Variants in ANK3 observed in about 807,000 individuals in gnomAD.
ANK3 encodes ankyrin 3, also known as ankyrin-3.
Under a neutral mutation model 370.9 loss-of-function variants are expected in ANK3, and 57 were observed. The observed-to-expected ratio is 0.15, with a 90% CI of 0.12 to 0.19. The LOEUF is 0.19. Among genes scored for constraint, ANK3 ranks in the 10% least tolerant of loss-of-function variants. The pLI is 1.00. For synonymous variants in ANK3, 1,929 were observed against 1,946.3 expected (o/e 0.99, Z 0.23); for missense variants, 4,439 against 5,302.1 (o/e 0.84, Z 5.06).
rs78234715 is a variant in ANK3 at position 60,627,859 on chromosome 10, T to C, written c.58-12635A>G. ...AATAACGCCATAACATCACTAGTGT[T>C]GTTATCTTCATTATACGAATAAGGA... On this transcript the variant is annotated intron_variant, in intron 1 of 43. Coordinates refer to the ANK3 transcript ENST00000373827. Among the ~76,000 whole-genome samples, 14 of 152,270 alleles carry C rather than the reference T, an allele frequency of 9.2e-5. No homozygotes were observed. The East Asian group carries it at 2.7e-3, about 29-fold the overall frequency.
chr10:60,159,844 G>T (rs952243394), intron 23 of ANK3, among the ~76,000 whole-genome samples: 12 of 152,012 alleles, frequency 7.9e-5, no homozygotes, highest in African/African-American at 2.9e-4. Flanking sequence ...AAATTAAAAA[G>T]AAAATTTTTA....
At chr10:60,336,575 C>T (rs1321275551) in intron 1 of ANK3, among the ~76,000 whole-genome samples, 1 of 130,070 alleles carries the variant, frequency 7.7e-6, no homozygotes, top group Admixed American at 1.0e-4. Context: ...ATCTATCTAT[C>T]TATCTATCTA....
chr10:60,107,579 C>T (rs1050479286), intron 27 of ANK3, among the ~76,000 whole-genome samples: 10 of 152,274 alleles, frequency 6.6e-5, no homozygotes, highest in African/African-American at 1.4e-4. Context: ...CAAAACCAAA[C>T]GAAACAATTT....
chr10:60,679,220 T>C (rs1450752485), intron 1 of ANK3, among the ~76,000 whole-genome samples: 2 of 152,156 alleles, frequency 1.3e-5, no homozygotes, highest in Non-Finnish European at 2.9e-5. Flanking sequence ...TAATGTATAA[T>C]TGGGGCCTGA....
At chr10:60,281,979 G>A (rs2098169823) in intron 1 of ANK3, among the ~76,000 whole-genome samples, 1 of 152,188 alleles carries the variant, frequency 6.6e-6, no homozygotes, top group Non-Finnish European at 1.5e-5. Context: ...ACAGAATGCA[G>A]TTTTTAAAGA....
rs375867763 is a variant in ANK3 at position 60,337,025 on chromosome 10, T to TAA, written c.114+52399_114+52400insTT. ...GTGGCTTGTCATCAAGAAAAAGGCT[T>TAA]TAAAAAAAAAAACAAACAGTGGAAG... On this transcript the variant is annotated intron_variant, in intron 1 of 43. Coordinates refer to ENST00000280772, the MANE Select transcript of ANK3 (RefSeq NM_020987.5). Among the ~76,000 whole-genome samples, 613 of 113,614 alleles carry TAA rather than the reference T, an allele frequency of 5.4e-3. 1 individual carries two copies. Among genetic ancestry groups the TAA allele is most frequent in the African/African-American group, 0.015 (565 of 37,390 alleles). 74.5% of individuals were successfully genotyped at this position (113,614 alleles called of 152,430 possible).
At chr10:60,471,589 T>G (rs2065220532) in intron 2 of ANK3, among the ~76,000 whole-genome samples, 1 of 152,148 alleles carries the variant, frequency 6.6e-6, no homozygotes, top group African/African-American at 2.4e-5. Context: ...TATGAGGATA[T>G]CTACTGGATA....
In ANK3 at chr10:60,072,921, G is replaced by A. The variant is rs2083027078; in HGVS notation, c.7960C>T (p.Pro2654Ser). The change falls in exon 37 of 44, where the codon CCT becomes TCT. Residue 2654 changes from proline (P) to serine (S), a missense_variant. Coordinates refer to ENST00000280772, the MANE Select transcript of ANK3 (RefSeq NM_020987.5). Reference sequence around the variant, plus strand: ...GCCTTGGGGAAGCCTTGTCCATCAGGGCCATGCTGTCTTGCCTTAACCCAC... The same window carrying A: ...GCCTTGGGGAAGCCTTGTCCATCAGAGCCATGCTGTCTTGCCTTAACCCAC... Reference protein sequence around the residue: ...DEWVKARQHGPDGQGFPKAEE... With the variant: ...DEWVKARQHGSDGQGFPKAEE... 1.9e-6 allele frequency: 3 copies of A among 1,613,878 alleles called. No individual in the cohort carries two copies. Among genetic ancestry groups the A allele is most frequent in the African/African-American group, 1.3e-5 (1 of 74,878 alleles).
At chr10:60,703,673 A>G (rs1222104155) in intron 1 of ANK3, among the ~76,000 whole-genome samples, 2 of 152,224 alleles carry the variant, frequency 1.3e-5, no homozygotes, top group Non-Finnish European at 2.9e-5. Context: ...AATACCGAAA[A>G]GCATAATAGA....
At chr10:60,642,286 A>G (rs2078644847) in intron 1 of ANK3, among the ~76,000 whole-genome samples, 1 of 151,436 alleles carries the variant, frequency 6.6e-6, no homozygotes, top group Non-Finnish European at 1.5e-5. Context: ...TACTGGGTAT[A>G]TACCCAAAGG....
chr10:60,638,331 A>G (rs1403852910), intron 1 of ANK3, among the ~76,000 whole-genome samples: 1 of 152,172 alleles, frequency 6.6e-6, no homozygotes, highest in Non-Finnish European at 1.5e-5. Flanking sequence ...GGGCTAAATT[A>G]GCCTGAGAAC....
intron 1 of ANK3, among the ~76,000 whole-genome samples, chr10:60,721,294 T>C (rs1483430298): frequency 6.6e-6 from 1 of 151,884 alleles, no homozygotes; most frequent in Non-Finnish European, 1.5e-5. Flanking sequence ...AAGAGAAAAA[T>C]GAGAATGGCA....
At chr10:60,143,711 C>A (rs2094676288) in intron 23 of ANK3, among the ~76,000 whole-genome samples, 1 of 152,196 alleles carries the variant, frequency 6.6e-6, no homozygotes, top group African/African-American at 2.4e-5. Flanking sequence ...CATGCCCTTG[C>A]ATAGTACCCC....
At chr10:60,205,682 C>A in intron 11 of ANK3, 110 bp downstream of exon 11, 1 of 773,962 alleles carries the variant, frequency 1.3e-6, no homozygotes, top group South Asian at 1.5e-5. Context: ...CAGTCTATGG[C>A]CATGATATGC....
At chr10:60,597,097 C>T (rs574561732) in intron 2 of ANK3, among the ~76,000 whole-genome samples, 220 of 152,162 alleles carry the variant, frequency 1.4e-3, no homozygotes, top group Admixed American at 2.9e-3. Context: ...TCCACTAAAG[C>T]GAGCCCCCAA....
At chr10:60,391,432 G>A (rs935135369), upstream of ANK3, among the ~76,000 whole-genome samples, 17 of 152,212 alleles carry the variant, frequency 1.1e-4, no homozygotes, top group Non-Finnish European at 7.3e-5. Context: ...GTAAAAATGA[G>A]TGTTTTTCTA....
At chr10:60,154,028 A>G (rs2095246679) in intron 23 of ANK3, among the ~76,000 whole-genome samples, 1 of 152,184 alleles carries the variant, frequency 6.6e-6, no homozygotes, top group African/African-American at 2.4e-5. Flanking sequence ...TTCTTGCGAT[A>G]AAACAGAGAA....
chr10:60,551,516 T>A (rs2393644), intron 2 of ANK3, among the ~76,000 whole-genome samples: 105,124 of 152,078 alleles, frequency 0.69, 36,665 homozygotes, highest in South Asian at 0.88. Context: ...TTAAGTTTCT[T>A]ATTTTAGTGA....
At chr10:60,346,819 A>G (rs1326523555) in intron 1 of ANK3, among the ~76,000 whole-genome samples, 1 of 152,030 alleles carries the variant, frequency 6.6e-6, no homozygotes, top group African/African-American at 2.4e-5. Context: ...ATTCTTCTGG[A>G]AAACACTGGT....
Sources: gnomAD v4.1 joint callset for allele counts (sites outside exome capture counted in the v4.1 genomes callset) on GRCh38, gnomAD v4.1.1 for gene constraint, MANE v1.5 for transcripts, NCBI Gene and HGNC (gene_info 2026-07-23, HGNC 2026-07-21) for gene names.